HIKESHI: variants seen among roughly 807,000 people sequenced by gnomAD.
HIKESHI encodes heat shock protein nuclear import factor hikeshi.
Under a neutral mutation model 25.7 loss-of-function variants are expected in HIKESHI, and 13 were observed. That is an observed-to-expected ratio of 0.51 (90% confidence interval 0.33 to 0.80). HIKESHI has a LOEUF of 0.80. Ranked by LOEUF, HIKESHI falls within the 30% of genes least tolerant of loss-of-function variation. HIKESHI has a pLI of 0.02. For synonymous variants in HIKESHI, 76 were observed against 78.7 expected (o/e 0.97, Z 0.18); for missense variants, 174 against 229.5 (o/e 0.76, Z 1.56).
intron 3 of HIKESHI, among the ~76,000 whole-genome samples, chr11:86,341,488 C>CTTTTTTTTTTTTTTTTTT (rs112151717): frequency 2.1e-5 from 3 of 142,810 alleles, no homozygotes; most frequent in Non-Finnish European, 3.0e-5. Context: ...TGGAATTCTC[C>CTTTTTTTTTTTTTTTTTT]TTTTTTTTTT....
At chr11:86,321,822 G>A (rs896246188) in intron 2 of HIKESHI, among the ~76,000 whole-genome samples, 6 of 152,184 alleles carry the variant, frequency 3.9e-5, no homozygotes, top group East Asian at 1.9e-4. Flanking sequence ...GAGTCTCCAC[G>A]CCTGGCCTTG....
Position 86,315,479 on chromosome 11 carries a change from C to T in HIKESHI, c.268+8997C>T, listed in dbSNP as rs190671526. The stretch of plus-strand genomic sequence containing the variant: ...GAGATTACAGGTGCACACCACCATG[C>T]CCGGCTAATTTTTGTATTTTTAGTA... On this transcript the variant is annotated intron_variant, in intron 2 of 4. Transcript: ENST00000278483. Among the ~76,000 whole-genome samples the T allele has an allele frequency of 5.6e-3, 853 of 152,240 alleles. 9 individuals are homozygous for T. Among genetic ancestry groups the T allele is most frequent in the African/African-American group, 0.019 (777 of 41,552 alleles).
chr11:86,344,867 A>C, intron 4 of HIKESHI, 146 bp downstream of exon 4: 1 of 535,226 alleles, frequency 1.9e-6, no homozygotes, highest in Non-Finnish European at 3.3e-6. Flanking sequence ...TGTACTATAG[A>C]GATCTGATGA....
chr11:86,332,835 G>T (rs969129203), intron 2 of HIKESHI, among the ~76,000 whole-genome samples: 2 of 152,298 alleles, frequency 1.3e-5, no homozygotes, highest in African/African-American at 4.8e-5. Context: ...TACAAAATAG[G>T]TTGTGGGACC....
intron 2 of HIKESHI, among the ~76,000 whole-genome samples, chr11:86,335,426 A>G (rs1465210850): frequency 6.6e-6 from 1 of 152,208 alleles, no homozygotes; most frequent in East Asian, 1.9e-4. Context: ...TCTCTGACAT[A>G]TTCTTGGTAA....
At chr11:86,327,967 T>A (rs1565735111) in intron 2 of HIKESHI, among the ~76,000 whole-genome samples, 2 of 152,174 alleles carry the variant, frequency 1.3e-5, no homozygotes, top group African/African-American at 2.4e-5. Context: ...ATGATTGTCA[T>A]GACAGTTTTT....
rs1161973644 is a variant in HIKESHI at position 86,302,459 on chromosome 11, G to C, written c.11G>C (p.Cys4Ser). The C allele has an allele frequency of 3.9e-6, 6 of 1,557,580 alleles. No individual in the cohort carries two copies. The highest frequency in any genetic ancestry group is 1.7e-6 in the Non-Finnish European group (2 of 1,150,536). ...GGAGCTGCCGTCGCCATGTTTGGCT[G>C]CTTGGTGGCGGGGAGGCTGGTGAGG... MFGCLVAGRLVQTA... is the reference protein window; with the variant it reads MFGSLVAGRLVQTA... The change falls in exon 1 of 5, where the codon TGC becomes TCC. Residue 4 changes from cysteine to serine, a missense_variant. Transcript: ENST00000278483.
chr11:86,302,568 C>T (rs1291033234), intron 1 of HIKESHI, 90 bp downstream of exon 1: 8 of 1,431,570 alleles, frequency 5.6e-6, no homozygotes, highest in Non-Finnish European at 7.6e-6. Flanking sequence ...GCTAGGGATG[C>T]GGGGAAGCCC....
At chr11:86,304,770 C>G (rs1276455646) in intron 1 of HIKESHI, among the ~76,000 whole-genome samples, 1 of 152,166 alleles carries the variant, frequency 6.6e-6, no homozygotes, top group East Asian at 1.9e-4. Flanking sequence ...CCCGCCTTGG[C>G]CTCCCAAAGT....
Position 86,341,599 on chromosome 11 carries a change from A to C in HIKESHI, c.421-3004A>C, listed in dbSNP as rs111937681. Among the ~76,000 whole-genome samples, 55 of 151,456 alleles carry C rather than the reference A, an allele frequency of 3.6e-4. 1 individual carries two copies. The highest frequency in any genetic ancestry group is 1.3e-3 in the African/African-American group (52 of 41,234). On this transcript the variant is annotated intron_variant, in intron 3 of 4. Coordinates refer to ENST00000278483, the MANE Select transcript of HIKESHI (RefSeq NM_016401.4). ...AGCCTCAAACTCCTGGGCTCCCACT[A>C]GTAGCTGGTAGCTGGGACTACAGGC... is the stretch of plus-strand genomic sequence containing the variant.
Position 86,307,972 on chromosome 11 carries a change from T to TATC in HIKESHI, c.268+1492_268+1493insCAT, listed in dbSNP as rs1946704656. On this transcript the variant is annotated intron_variant, in intron 2 of 4. Coordinates refer to ENST00000278483, the MANE Select transcript of HIKESHI (RefSeq NM_016401.4). Reference sequence around the variant, plus strand: ...TGTAATATATATTATATAAAATATATATGTGTAATATATATTATATATAAA... The same window carrying TATC: ...TGTAATATATATTATATAAAATATATATCATGTGTAATATATATTATATATAAA... Among the ~76,000 whole-genome samples, 4 of 11,490 alleles carry TATC rather than the reference T, an allele frequency of 3.5e-4. 1 individual carries two copies. The South Asian group carries it at 0.016, about 45-fold the overall frequency. 7.5% of individuals were successfully genotyped at this position (11,490 alleles called of 152,430 possible). A position where few individuals can be genotyped will look rare whatever the true frequency, so the allele number is the denominator to read the frequency against.
chr11:86,326,428 A>G (rs750344903), intron 2 of HIKESHI: 1 of 452,798 alleles, frequency 2.2e-6, no homozygotes, highest in Admixed American at 2.4e-5. Flanking sequence ...TTGGGAAGTT[A>G]CTTTCGGCCT....
chr11:86,322,151 T>A (rs1464004831), intron 2 of HIKESHI, among the ~76,000 whole-genome samples: 1 of 151,904 alleles, frequency 6.6e-6, no homozygotes, highest in Non-Finnish European at 1.5e-5. Context: ...CACACCCTGC[T>A]GATTTTATAT....
At chr11:86,337,266 G>C (rs2138408346) in intron 2 of HIKESHI, 113 bp from the exon 3 acceptor site, 1 of 950,252 alleles carries the variant, frequency 1.1e-6, no homozygotes, top group East Asian at 2.6e-5. Flanking sequence ...GGACAAACTT[G>C]GACATAAAAC....
Position 86,302,284 on chromosome 11 carries a change from G to T in HIKESHI, c.-165G>T. On this transcript the variant is annotated 5_prime_UTR_variant, in exon 1 of 5. Coordinates refer to ENST00000278483, the MANE Select transcript of HIKESHI (RefSeq NM_016401.4). ...GCTTAGGAAGAGAAGGTCAGAGTTC[G>T]CGGGGGCAGAGGCATTCTTGCCGCT... is the stretch of plus-strand genomic sequence containing the variant. The T allele has an allele frequency of 1.3e-6, 1 of 760,572 alleles. No homozygotes were observed. The highest frequency in any genetic ancestry group is 2.2e-6 in the Non-Finnish European group (1 of 451,062). The allele number at this position is 760,572 out of a possible 1,614,324, so 47.1% of individuals were successfully genotyped here. A position where few individuals can be genotyped will look rare whatever the true frequency, so the allele number is the denominator to read the frequency against.
intron 2 of HIKESHI, among the ~76,000 whole-genome samples, chr11:86,322,467 A>C (rs1181522471): frequency 6.6e-6 from 1 of 152,008 alleles, no homozygotes; most frequent in Non-Finnish European, 1.5e-5. Flanking sequence ...ATATATGTAC[A>C]TGTGTATATA....
At chr11:86,337,659 T>C in intron 3 of HIKESHI, 129 bp downstream of exon 3, 1 of 1,109,412 alleles carries the variant, frequency 9.0e-7, no homozygotes, top group East Asian at 2.7e-5. Flanking sequence ...TTTTGTTTTG[T>C]TTTATTTTGT....
chr11:86,302,279 A>T lies in HIKESHI; in HGVS notation c.-170A>T. ...GGGCTGCTTAGGAAGAGAAGGTCAGAGTTCGCGGGGGCAGAGGCATTCTTG... is the reference window on the plus strand; with the variant it reads ...GGGCTGCTTAGGAAGAGAAGGTCAGTGTTCGCGGGGGCAGAGGCATTCTTG... On this transcript the variant is annotated 5_prime_UTR_variant, in exon 1 of 5. Transcript: ENST00000278483. The T allele has an allele frequency of 2.8e-6, 2 of 725,242 alleles. No individual in the cohort carries two copies. The highest frequency in any genetic ancestry group is 3.2e-5 in the South Asian group (2 of 63,474). The allele number at this position is 725,242 out of a possible 1,614,324, so 44.9% of individuals were successfully genotyped here. A position where few individuals can be genotyped will look rare whatever the true frequency, so the allele number is the denominator to read the frequency against.
rs374398046 is a variant in HIKESHI at position 86,328,932 on chromosome 11, G to GCA, written c.269-8433_269-8432dup. On this transcript the variant is annotated intron_variant, in intron 2 of 4. Transcript: ENST00000278483. Reference sequence around the variant, plus strand: ...TGTGTGTGTGTGTGTGTGTGTGCGCGCACACACACACACACGCTCCTCACA... The same window carrying GCA: ...TGTGTGTGTGTGTGTGTGTGTGCGCGCACACACACACACACACGCTCCTCACA... Among the ~76,000 whole-genome samples the GCA allele has an allele frequency of 2.4e-4, 32 of 135,398 alleles. 1 individual carries two copies. Among genetic ancestry groups the GCA allele is most frequent in the African/African-American group, 4.0e-4 (15 of 37,390 alleles). 88.8% of individuals were successfully genotyped at this position (135,398 alleles called of 152,430 possible).
Sources: allele counts gnomAD v4.1 joint callset (sites outside exome capture counted in the v4.1 genomes callset), GRCh38; gene constraint gnomAD v4.1.1; transcripts MANE v1.5; gene names NCBI Gene and HGNC (gene_info 2026-07-23, HGNC 2026-07-21).